Variants in MCTP1 observed in about 807,000 individuals in gnomAD.
The protein encoded by MCTP1 is multiple C2 and transmembrane domain-containing protein 1.
A neutral mutation model predicts 120.6 loss-of-function variants in MCTP1; 69 were observed. The ratio of observed to expected loss-of-function variants is 0.57; its 90% CI spans 0.47 to 0.70. MCTP1 has a LOEUF of 0.70. MCTP1 is among the 30% of genes least tolerant of loss of function. The probability of loss-of-function intolerance (pLI) is 0.00; values close to 1 mark genes in which losing one functional copy is unlikely to be tolerated. For synonymous variants in MCTP1, 529 were observed against 493.1 expected (o/e 1.07, Z -0.96); for missense variants, 1,203 against 1,248.8 (o/e 0.96, Z 0.55).
intron 1 of MCTP1, among the ~76,000 whole-genome samples, chr5:95,134,389 T>C (rs1372231806): frequency 6.6e-6 from 1 of 152,250 alleles, no homozygotes; most frequent in Non-Finnish European, 1.5e-5. Context: ...AGTATTGCTG[T>C]GGAACAAACC....
intron 1 of MCTP1, among the ~76,000 whole-genome samples, chr5:95,059,347 T>A (rs767930666): frequency 2.6e-5 from 4 of 152,114 alleles, no homozygotes. Context: ...ACTTGTAAAT[T>A]GGAGCTAAAC....
chr5:95,135,303 G>A (rs912104281), intron 1 of MCTP1, among the ~76,000 whole-genome samples: 1 of 152,118 alleles, frequency 6.6e-6, no homozygotes, highest in African/African-American at 2.4e-5. Flanking sequence ...ATACACTATG[G>A]TGGTGAATTG....
At chr5:94,954,674 A>C (rs1822109410) in intron 2 of MCTP1, among the ~76,000 whole-genome samples, 1 of 152,218 alleles carries the variant, frequency 6.6e-6, no homozygotes, top group Non-Finnish European at 1.5e-5. Context: ...GATGTTGAAT[A>C]ATCTTCACTG....
chr5:95,236,856 G>A (rs1755597073), intron 1 of MCTP1, among the ~76,000 whole-genome samples: 2 of 152,198 alleles, frequency 1.3e-5, no homozygotes, highest in South Asian at 4.1e-4. Flanking sequence ...AGAGAATTAT[G>A]AAGAGTGCCT....
At chr5:94,727,377 C>A (rs948204021) in intron 19 of MCTP1, among the ~76,000 whole-genome samples, 7 of 152,264 alleles carry the variant, frequency 4.6e-5, no homozygotes, top group Non-Finnish European at 8.8e-5. Flanking sequence ...AAGATATGAG[C>A]CACCTTCAGC....
chr5:95,138,305 G>A (rs1431246427), intron 1 of MCTP1, among the ~76,000 whole-genome samples: 5 of 150,762 alleles, frequency 3.3e-5, no homozygotes, highest in Non-Finnish European at 5.9e-5. Context: ...GACTAGCTGC[G>A]CCACTTTTTA....
At chr5:95,273,064 T>A (rs1241038550) in intron 1 of MCTP1, among the ~76,000 whole-genome samples, 1 of 152,224 alleles carries the variant, frequency 6.6e-6, no homozygotes, top group East Asian at 1.9e-4. Context: ...CCCTGCTGAT[T>A]TGGGGGTTTG....
intron 2 of MCTP1, among the ~76,000 whole-genome samples, chr5:95,004,473 T>C (rs1184613810): frequency 6.6e-6 from 1 of 152,184 alleles, no homozygotes; most frequent in East Asian, 1.9e-4. Context: ...CAGACGTCTT[T>C]GTGGCAGCCC....
intron 1 of MCTP1, among the ~76,000 whole-genome samples, chr5:95,069,955 A>T (rs189333666): frequency 6.6e-6 from 1 of 152,140 alleles, no homozygotes; most frequent in Non-Finnish European, 1.5e-5. Flanking sequence ...CACCCACCTC[A>T]GCCTCCCAAA....
chr5:95,102,922 C>T (rs535468501), intron 1 of MCTP1, among the ~76,000 whole-genome samples: 84 of 152,272 alleles, frequency 5.5e-4, no homozygotes, highest in African/African-American at 2.0e-3. Flanking sequence ...TTAGTGGTTG[C>T]TCTACTCACC....
In MCTP1 at chr5:94,995,505, C is replaced by G. The variant is rs948379252; in HGVS notation, c.838+21862G>C. On this transcript the variant is annotated intron_variant, in intron 2 of 22. Transcript: ENST00000515393. Reference sequence around the variant, plus strand: ...ATCTGATTGCTAATTTCACCAAGAACTTGAAAAGAAAGTGAGACTCTCCTT... The same window carrying G: ...ATCTGATTGCTAATTTCACCAAGAAGTTGAAAAGAAAGTGAGACTCTCCTT... 2.0e-5 allele frequency among the ~76,000 whole-genome samples: 3 copies of G among 152,122 alleles called. No homozygotes were observed. In the South Asian group the frequency reaches 6.2e-4, roughly 32 times the overall value.
rs1363070846 is a variant in MCTP1 at position 94,912,955 on chromosome 5, G to A, written c.1372C>T (p.Leu458=). Residue 458 remains leucine, a synonymous_variant, in exon 9 of 23, where the codon CTA becomes TTA. Transcript: ENST00000515393. The part of the protein sequence containing the change: ...NVQFQTQSLR[L]SDLHRKSHLW... ...TGCGATTTTCTGTGTAGGTCTGATA[G>A]GCGTAAACTTTGGGTCTGAAACTTT... The A allele has an allele frequency of 6.3e-7, 1 of 1,592,686 alleles. No individual in the cohort carries two copies. Among genetic ancestry groups the A allele is most frequent in the African/African-American group, 1.4e-5 (1 of 73,514 alleles).
intron 1 of MCTP1, among the ~76,000 whole-genome samples, chr5:95,065,149 TA>T (rs1750314410): frequency 6.8e-6 from 1 of 147,786 alleles, no homozygotes; most frequent in Non-Finnish European, 1.5e-5. Flanking sequence ...AAATTATTAT[TA>T]ATTAATTAAT....
chr5:94,929,766 G>T, intron 6 of MCTP1: 1 of 725,050 alleles, frequency 1.4e-6, no homozygotes, highest in Non-Finnish European at 1.7e-6. Context: ...ATTTAACATT[G>T]CGCTCTTGTA....
chr5:94,763,582 T>C (rs1453704642), intron 19 of MCTP1, among the ~76,000 whole-genome samples: 3 of 152,202 alleles, frequency 2.0e-5, no homozygotes, highest in African/African-American at 4.8e-5. Flanking sequence ...CATTTTCCCA[T>C]TGTATTATAA....
intron 1 of MCTP1, among the ~76,000 whole-genome samples, chr5:95,210,786 T>C (rs1199514119): frequency 6.6e-6 from 1 of 152,208 alleles, no homozygotes; most frequent in Admixed American, 6.5e-5. Flanking sequence ...TCTCTACATT[T>C]TGGCATGATT....
intron 12 of MCTP1, chr5:94,877,637 T>C (rs41459348): frequency 0.078 from 11,864 of 152,120 alleles, 475 homozygotes; most frequent in Non-Finnish European, 0.09. Context: ...GACTGGCTAA[T>C]TCTCTCTCAC....
At chr5:94,758,942 A>G (rs255334) in intron 19 of MCTP1, among the ~76,000 whole-genome samples, 66,068 of 151,942 alleles carry the variant, frequency 0.43, 14,674 homozygotes, top group East Asian at 0.64. Flanking sequence ...TATTTTAGCT[A>G]TGGATTTGCC....
chr5:95,161,202 C>A (rs898643607), intron 1 of MCTP1, among the ~76,000 whole-genome samples: 5 of 152,102 alleles, frequency 3.3e-5, no homozygotes, highest in African/African-American at 1.2e-4. Context: ...AGGTGTCCAT[C>A]ATCAGATGCA....
Sources: allele counts gnomAD v4.1 joint callset (sites outside exome capture counted in the v4.1 genomes callset), GRCh38; gene constraint gnomAD v4.1.1; transcripts MANE v1.5; gene names NCBI Gene and HGNC (gene_info 2026-07-23, HGNC 2026-07-21).